Variants in PCDHGA9 observed in about 807,000 individuals in gnomAD.
The protein encoded by PCDHGA9 is protocadherin gamma subfamily A, 9.
A neutral mutation model predicts 62.5 loss-of-function variants in PCDHGA9; 37 were observed. The ratio of observed to expected loss-of-function variants is 0.59; its 90% CI spans 0.46 to 0.78. The LOEUF is 0.78. PCDHGA9 is among the 30% of genes least tolerant of loss of function. The pLI is 0.00. For synonymous variants in PCDHGA9, 459 were observed against 484.6 expected (o/e 0.95, Z 0.69); for missense variants, 1,138 against 1,166.2 (o/e 0.98, Z 0.35).
intron 2 of PCDHGA9, among the ~76,000 whole-genome samples, chr5:141,500,289 A>G (rs1440166636): frequency 6.6e-6 from 1 of 151,486 alleles, no homozygotes; most frequent in African/African-American, 2.4e-5. Flanking sequence ...GCTCACTGCA[A>G]GCTCCGCCTC....
Position 141,405,156 on chromosome 5 carries a change from T to C in PCDHGA9, c.2204T>C (p.Val735Ala). The change falls in exon 1 of 4, where the codon GTG becomes GCG. Residue 735 changes from valine to alanine, a missense_variant. By Grantham distance (64) the Val-to-Ala change is moderately conservative (BLOSUM62 0). Transcript: ENST00000573521. The part of the protein sequence containing the change: ...LRATSDGLAG[V>A]PTSHFVGVDG... ...GCTACCAGTGATGGGTTGGCTGGTG[T>C]GCCCACCTCACACTTTGTGGGTGTA... The C allele has an allele frequency of 6.2e-7, 1 of 1,614,042 alleles. No individual in the cohort carries two copies. Among genetic ancestry groups the C allele is most frequent in the Non-Finnish European group, 8.5e-7 (1 of 1,179,940 alleles).
rs1363891858 is a variant in PCDHGA9, at chr5:141,491,369, C to T, written c.2425-3438C>T. 8.7e-6 allele frequency: 14 copies of T among 1,614,110 alleles called. No homozygotes were observed. Among genetic ancestry groups the T allele is most frequent in the East Asian group, 2.2e-5 (1 of 44,866 alleles). On this transcript the variant is annotated intron_variant, in intron 1 of 3. Coordinates refer to ENST00000573521, the MANE Select transcript of PCDHGA9 (RefSeq NM_018921.3). The surrounding 1 kb of genome is among the most constrained non-coding windows in gnomAD (Gnocchi z 6.9). ...AGTCTCTTATCCCTAGTCACCTTCACCTTTCTGTCAGCGAAGTGCCTTCAG... is the reference window on the plus strand; with the variant it reads ...AGTCTCTTATCCCTAGTCACCTTCATCTTTCTGTCAGCGAAGTGCCTTCAG...
rs776632782 is a variant in PCDHGA9, at chr5:141,415,681, A to G, written c.2424+10305A>G. 6.3e-5 allele frequency: 95 copies of G among 1,518,728 alleles called. 2 individuals are homozygous for G. In the Middle Eastern group the frequency reaches 2.1e-3, roughly 34 times the overall value. 94.1% of individuals were successfully genotyped at this position (1,518,728 alleles called of 1,614,324 possible). A position where few individuals can be genotyped will look rare whatever the true frequency, so the allele number is the denominator to read the frequency against. Reference sequence around the variant, plus strand: ...TGGTTTTTACTTTGAAGTTTGCGGCATGATGGTGGAAAGTGTAAATGCTAA... The same window carrying G: ...TGGTTTTTACTTTGAAGTTTGCGGCGTGATGGTGGAAAGTGTAAATGCTAA... On this transcript the variant is annotated intron_variant, in intron 1 of 3. Transcript: ENST00000573521.
In PCDHGA9 at chr5:141,486,645, C is replaced by G. The variant is rs369948556; in HGVS notation, c.2425-8162C>G. ...GACTCTGGCTTGAATGCGCTTATCT[C>G]CTACTCACTCCTGGAGCCCAGGAAT... On this transcript the variant is annotated intron_variant, in intron 1 of 3. Coordinates refer to ENST00000573521, the MANE Select transcript of PCDHGA9 (RefSeq NM_018921.3). The surrounding 1 kb of genome is among the most constrained non-coding windows in gnomAD (Gnocchi z 5.0). 4.3e-6 allele frequency: 7 copies of G among 1,613,752 alleles called. No individual in the cohort carries two copies. The Admixed American group carries it at 6.7e-5, about 15-fold the overall frequency.
chr5:141,421,201 C>A, intron 1 of PCDHGA9: 3 of 1,518,204 alleles, frequency 2.0e-6, no homozygotes, highest in Non-Finnish European at 2.6e-6. Context: ...GCTCGAGAAA[C>A]CGCGGAATAT....
At chr5:141,492,402 C>A (rs1254310448) in intron 1 of PCDHGA9, among the ~76,000 whole-genome samples, 1 of 152,232 alleles carries the variant, frequency 6.6e-6, no homozygotes, top group African/African-American at 2.4e-5. Flanking sequence ...TCGCAGCTCC[C>A]CTCTGCCGCT....
At chr5:141,505,323 G>C in intron 2 of PCDHGA9, 70 bp from the exon 3 acceptor site, 1 of 1,606,758 alleles carries the variant, frequency 6.2e-7, no homozygotes, top group South Asian at 1.1e-5. Flanking sequence ...GGGAGCCCTG[G>C]GAGAGGACAG....
In PCDHGA9 at chr5:141,405,130, G is replaced by A; in HGVS notation, c.2178G>A (p.Arg726=). ...LRHWHSSHLL[R]ATSDGLAGVP... Reference sequence around the variant, plus strand: ...ACTGGCACTCCTCGCATCTGCTGCGGGCTACCAGTGATGGGTTGGCTGGTG... The same window carrying A: ...ACTGGCACTCCTCGCATCTGCTGCGAGCTACCAGTGATGGGTTGGCTGGTG... Residue 726 remains arginine, a synonymous_variant, in exon 1 of 4, where the codon CGG becomes CGA. Coordinates refer to ENST00000573521, the MANE Select transcript of PCDHGA9 (RefSeq NM_018921.3). 6.2e-7 allele frequency: 1 copy of A among 1,614,012 alleles called. No individual in the cohort carries two copies. The highest frequency in any genetic ancestry group is 1.1e-5 in the South Asian group (1 of 91,078).
chr5:141,511,048 C>G lies in PCDHGA9; in HGVS notation c.2674C>G (p.Arg892Gly). The G allele has an allele frequency of 6.2e-7, 1 of 1,614,224 alleles. No homozygotes were observed. Among genetic ancestry groups the G allele is most frequent in the Non-Finnish European group, 8.5e-7 (1 of 1,180,028 alleles). ...QFTLQHVPDYRQNVYIPGSNA... is the reference protein window; with the variant it reads ...QFTLQHVPDYGQNVYIPGSNA... ...CACCCTGCAGCACGTGCCCGACTAC[C>G]GCCAGAATGTCTACATCCCAGGCAG... Residue 892 changes from arginine (R) to glycine (G), a missense_variant, in exon 4 of 4, where the codon CGC becomes GGC. Arg to Gly is a moderately radical substitution (Grantham distance 125, BLOSUM62 -2). Transcript: ENST00000573521.
At chr5:141,423,742 A>C in intron 1 of PCDHGA9, 1 of 514,328 alleles carries the variant, frequency 1.9e-6, no homozygotes, top group Non-Finnish European at 2.4e-6. Context: ...CCTGTTATGA[A>C]AACTGTTTGG....
At chr5:141,427,812 G>C (rs1380721111) in intron 1 of PCDHGA9, 1 of 1,524,406 alleles carries the variant, frequency 6.6e-7, no homozygotes, top group Non-Finnish European at 9.0e-7. Flanking sequence ...CGCACAGAGC[G>C]GGGTGGTGGT....
rs200568923 is a variant in PCDHGA9 at position 141,413,794 on chromosome 5, G to A, written c.2424+8418G>A. On this transcript the variant is annotated intron_variant, in intron 1 of 3. Coordinates refer to ENST00000573521, the MANE Select transcript of PCDHGA9 (RefSeq NM_018921.3). The stretch of plus-strand genomic sequence containing the variant: ...GGTACTGGAGCACTCCCTAGATCGC[G>A]AGGAAGAGGCCATTCACCACCTGGT... 6.7e-5 allele frequency: 108 copies of A among 1,613,050 alleles called. No individual in the cohort carries two copies. Among genetic ancestry groups the A allele is most frequent in the Admixed American group, 8.3e-5 (5 of 59,990 alleles).
At chr5:141,420,223 G>A in intron 1 of PCDHGA9, 2 of 1,604,640 alleles carry the variant, frequency 1.2e-6, no homozygotes, top group Non-Finnish European at 1.7e-6. Context: ...GCATGCTACT[G>A]GCTAGCATTT....
At chr5:141,481,318 A>C (rs758947998) in intron 1 of PCDHGA9, among the ~76,000 whole-genome samples, 6 of 152,216 alleles carry the variant, frequency 3.9e-5, no homozygotes, top group Non-Finnish European at 8.8e-5. Context: ...TTCCTAAAGC[A>C]CTAGCCCCTG....
chr5:141,410,153 C>G (rs200651346), intron 1 of PCDHGA9: 9 of 1,612,786 alleles, frequency 5.6e-6, no homozygotes. Context: ...TGACGGTGGA[C>G]AGCCGCCACT....
intron 1 of PCDHGA9, chr5:141,479,494 G>C (rs747201739): frequency 2.6e-5 from 4 of 152,256 alleles, no homozygotes; most frequent in Non-Finnish European, 5.9e-5. Flanking sequence ...CCATCAGGTT[G>C]CCTAAAGAGG....
intron 1 of PCDHGA9, among the ~76,000 whole-genome samples, chr5:141,456,287 C>T (rs951430060): frequency 1.3e-5 from 2 of 152,048 alleles, no homozygotes; most frequent in Non-Finnish European, 2.9e-5. Flanking sequence ...TGAAAAGGGG[C>T]GTCTAATGGA....
intron 2 of PCDHGA9, among the ~76,000 whole-genome samples, chr5:141,495,440 A>G (rs2099761377): frequency 6.6e-6 from 1 of 151,898 alleles, no homozygotes; most frequent in African/African-American, 2.4e-5. Context: ...CTCTGCCCCT[A>G]CTTGTCCTGC....
chr5:141,491,795 C>G lies in PCDHGA9; in HGVS notation c.2425-3012C>G. The G allele has an allele frequency of 6.6e-7, 1 of 1,511,694 alleles. No individual in the cohort carries two copies. The highest frequency in any genetic ancestry group is 8.8e-7 in the Non-Finnish European group (1 of 1,130,430). The allele number at this position is 1,511,694 out of a possible 1,614,324, so 93.6% of individuals were successfully genotyped here. On this transcript the variant is annotated intron_variant, in intron 1 of 3. Transcript: ENST00000573521. The surrounding 1 kb of genome is among the most constrained non-coding windows in gnomAD (Gnocchi z 6.9). ...GGATTGAACTTGCATCCACTCCTCT[C>G]CGGCCGGCTTGGTCGCTGGCTGCGC...
Sources: gnomAD v4.1 joint callset for allele counts (sites outside exome capture counted in the v4.1 genomes callset) on GRCh38, gnomAD v4.1.1 for gene constraint, Gnocchi (gnomAD v3.1) non-coding constraint, MANE v1.5 for transcripts, NCBI Gene and HGNC (gene_info 2026-07-23, HGNC 2026-07-21) for gene names.